STARD10: variants seen among roughly 807,000 people sequenced by gnomAD.
STARD10 encodes START domain-containing protein 10.
In STARD10, 24 loss-of-function variants were observed where a neutral mutation model predicts 36.0. The ratio of observed to expected loss-of-function variants is 0.67; its 90% CI spans 0.48 to 0.94. The LOEUF is 0.94. Among genes scored for constraint, STARD10 ranks in the 40% least tolerant of loss-of-function variants. The pLI is 0.00. For synonymous variants in STARD10, 156 were observed against 161.9 expected (o/e 0.96, Z 0.28); for missense variants, 335 against 396.6 (o/e 0.84, Z 1.32).
chr11:72,779,368 G>T (rs1174249720), intron 2 of STARD10, among the ~76,000 whole-genome samples: 1 of 152,180 alleles, frequency 6.6e-6, no homozygotes, highest in Non-Finnish European at 1.5e-5. Context: ...GAAGCGGGTG[G>T]ATCACTTGAG....
intron 1 of STARD10, among the ~76,000 whole-genome samples, chr11:72,788,736 T>C (rs1289220312): frequency 6.6e-6 from 1 of 152,090 alleles, no homozygotes; most frequent in African/African-American, 2.4e-5. Flanking sequence ...CTAATTTTTG[T>C]ATTTTTAGTA....
rs1016906676 is a variant in STARD10, at chr11:72,793,812, C to G, written c.-1051G>C. The G allele has an allele frequency of 2.0e-5, 3 of 152,288 alleles. No individual in the cohort carries two copies. The highest frequency in any genetic ancestry group is 7.2e-5 in the African/African-American group (3 of 41,534). The allele number at this position is 152,288 out of a possible 1,614,324, so 9.4% of individuals were successfully genotyped here. ...CCCGGACTAGGGGCGGACTAGGGGC[C>G]GCTCTGCCTCCCGCCCCCTAGTGGT... On this transcript the variant is annotated 5_prime_UTR_variant, in exon 1 of 7. Transcript: ENST00000334805.
chr11:72,775,305 C>A (rs904312396), intron 2 of STARD10, among the ~76,000 whole-genome samples: 2 of 152,186 alleles, frequency 1.3e-5, no homozygotes, highest in Non-Finnish European at 2.9e-5. Flanking sequence ...GGCACCTCTG[C>A]CCAGACAAAT....
intron 2 of STARD10, among the ~76,000 whole-genome samples, chr11:72,770,562 C>T (rs1383978141): frequency 6.6e-6 from 1 of 152,156 alleles, no homozygotes; most frequent in African/African-American, 2.4e-5. Flanking sequence ...AGAACCCCAA[C>T]TCCTTACTCC....
chr11:72,767,989 C>T (rs548723985), intron 2 of STARD10, among the ~76,000 whole-genome samples: 5 of 152,206 alleles, frequency 3.3e-5, no homozygotes, highest in Non-Finnish European at 7.3e-5. Flanking sequence ...GGGAACACCT[C>T]CCACTAACCC....
At chr11:72,755,641 C>A in intron 6 of STARD10, 60 bp downstream of exon 6, 1 of 1,589,972 alleles carries the variant, frequency 6.3e-7, no homozygotes, top group South Asian at 1.1e-5. Context: ...CCACCCACCT[C>A]ATTCCATAGT....
At chr11:72,779,217 C>T (rs1858961363) in intron 2 of STARD10, among the ~76,000 whole-genome samples, 1 of 152,224 alleles carries the variant, frequency 6.6e-6, no homozygotes, top group African/African-American at 2.4e-5. Flanking sequence ...TCCCAGGTCA[C>T]AGTCAGGCTC....
intron 1 of STARD10, among the ~76,000 whole-genome samples, chr11:72,789,965 G>A (rs1859120720): frequency 6.6e-6 from 1 of 152,104 alleles, no homozygotes; most frequent in South Asian, 2.1e-4. Context: ...AGCCTGCTTT[G>A]CTCCCCTCCT....
At position 72,755,142 on chromosome 11, in the gene STARD10, C is replaced by A. The variant is rs1426004821; in HGVS notation, c.631G>T (p.Ala211Ser). Residue 211 changes from alanine to serine, a missense_variant and splice_region_variant, in exon 7 of 7, where the codon GCC (alanine) becomes TCC (serine). Ala to Ser is a moderately conservative substitution (Grantham distance 99, BLOSUM62 1). Coordinates refer to ENST00000334805, the MANE Select transcript of STARD10 (RefSeq NM_006645.3). ...CACGCCTTGTACATCTTCTTCATGGCCTGTGGGCCCGCCGCCCCGCCGGGT... is the reference window on the plus strand; with the variant it reads ...CACGCCTTGTACATCTTCTTCATGGACTGTGGGCCCGCCGCCCCGCCGGGT... ...NKSSQFLAPK[A>S]MKKMYKACLK... 1 of 1,609,346 alleles carries A rather than the reference C, an allele frequency of 6.2e-7. No individual in the cohort carries two copies. Among genetic ancestry groups the A allele is most frequent in the Non-Finnish European group, 8.5e-7 (1 of 1,177,136 alleles).
Position 72,754,744 on chromosome 11 carries a change from G to T in STARD10, c.*153C>A. On this transcript the variant is annotated 3_prime_UTR_variant, in exon 7 of 7. Transcript: ENST00000334805. Reference sequence around the variant, plus strand: ...ATGAGCCGGCTGAGGCTGTGGGATCGTTTATTGGGGCTCTGTCCAGCCAGG... The same window carrying T: ...ATGAGCCGGCTGAGGCTGTGGGATCTTTTATTGGGGCTCTGTCCAGCCAGG... The T allele has an allele frequency of 8.3e-7, 1 of 1,201,878 alleles. No individual in the cohort carries two copies. The highest frequency in any genetic ancestry group is 1.2e-6 in the Non-Finnish European group (1 of 848,812). The allele number at this position is 1,201,878 out of a possible 1,614,324, so 74.5% of individuals were successfully genotyped here. A position where few individuals can be genotyped will look rare whatever the true frequency, so the allele number is the denominator to read the frequency against.
In STARD10 at chr11:72,769,596, A is replaced by G. The variant is rs1348500621; in HGVS notation, c.208-10215T>C. Among the ~76,000 whole-genome samples, 5 of 152,072 alleles carry G rather than the reference A, an allele frequency of 3.3e-5. No individual in the cohort carries two copies. The East Asian group carries it at 9.6e-4, about 29-fold the overall frequency. On this transcript the variant is annotated intron_variant, in intron 2 of 6. Transcript: ENST00000334805. ...TGGGCTTAAGCGATCCTCCCACCTCAGCCTCTCAAAGTGCTGGGATTGCAG... is the reference window on the plus strand; with the variant it reads ...TGGGCTTAAGCGATCCTCCCACCTCGGCCTCTCAAAGTGCTGGGATTGCAG...
intron 6 of STARD10, 126 bp from the exon 7 acceptor site, chr11:72,755,268 T>A: frequency 2.1e-6 from 2 of 952,516 alleles, no homozygotes; most frequent in Non-Finnish European, 1.5e-6. Context: ...TCCTCAGCCC[T>A]ACTTGCCCTC....
intron 1 of STARD10, chr11:72,782,151 C>A (rs1032966679): frequency 2.0e-5 from 3 of 152,456 alleles, no homozygotes; most frequent in African/African-American, 7.2e-5. Flanking sequence ...TCTGCAACAA[C>A]CTACAGTATT....
intron 2 of STARD10, among the ~76,000 whole-genome samples, chr11:72,771,407 G>A (rs1345694009): frequency 6.6e-6 from 1 of 152,106 alleles, no homozygotes; most frequent in Non-Finnish European, 1.5e-5. Flanking sequence ...CCCATCTTTG[G>A]ACTCAGTATT....
intron 2 of STARD10, among the ~76,000 whole-genome samples, chr11:72,761,786 A>G (rs927017465): frequency 7.9e-5 from 12 of 151,512 alleles, no homozygotes; most frequent in African/African-American, 2.4e-4. Flanking sequence ...CAATTGGGGG[A>G]AAAAAAATAT....
At position 72,755,157 on chromosome 11, in the gene STARD10, C is replaced by A; in HGVS notation, c.631-15G>T. 1 of 1,605,246 alleles carries A rather than the reference C, an allele frequency of 6.2e-7. No individual in the cohort carries two copies. Among genetic ancestry groups the A allele is most frequent in the Non-Finnish European group, 8.5e-7 (1 of 1,174,968 alleles). On this transcript the variant is annotated splice_polypyrimidine_tract_variant and intron_variant, in intron 6 of 6. Transcript: ENST00000334805. ...TTCTTCATGGCCTGTGGGCCCGCCG[C>A]CCCGCCGGGTCAGGGGGTGGCTAGG...
At chr11:72,758,199 C>T (rs531141271) in intron 4 of STARD10, among the ~76,000 whole-genome samples, 1 of 152,348 alleles carries the variant, frequency 6.6e-6, no homozygotes, top group African/African-American at 2.4e-5. Context: ...CCTGTCCTTG[C>T]CCAGGGAGAT....
At chr11:72,789,261 CA>C (rs958164897) in intron 1 of STARD10, among the ~76,000 whole-genome samples, 20 of 152,210 alleles carry the variant, frequency 1.3e-4, no homozygotes, top group Admixed American at 9.8e-4. Context: ...AGTGAGTGCT[CA>C]ATAACTGCCA....
At chr11:72,776,027 C>T (rs2135621765) in intron 2 of STARD10, among the ~76,000 whole-genome samples, 2 of 152,332 alleles carry the variant, frequency 1.3e-5, no homozygotes, top group South Asian at 4.1e-4. Flanking sequence ...ACACTGACTA[C>T]CTGGGGTCAT....
Sources: gnomAD v4.1 joint callset for allele counts (sites outside exome capture counted in the v4.1 genomes callset) on GRCh38, gnomAD v4.1.1 for gene constraint, MANE v1.5 for transcripts, NCBI Gene and HGNC (gene_info 2026-07-23, HGNC 2026-07-21) for gene names.